The following SKAP1 variants were observed in gnomAD, a reference collection of about 807,000 sequenced individuals.
SKAP1 encodes the protein src kinase-associated phosphoprotein 1.
In SKAP1, 44 loss-of-function variants were observed where a neutral mutation model predicts 58.5. The observed-to-expected ratio is 0.75, with a 90% CI of 0.59 to 0.97. SKAP1 has a LOEUF of 0.97. Among genes scored for constraint, SKAP1 ranks in the 50% least tolerant of loss-of-function variants. The probability of loss-of-function intolerance (pLI) is 0.00; values close to 1 mark genes in which losing one functional copy is unlikely to be tolerated. For missense variants in SKAP1, 390 were observed against 435.2 expected, an observed-to-expected ratio of 0.90 and a Z score of 0.92; for synonymous variants, 127 against 149.7, an observed-to-expected ratio of 0.85 and a Z score of 1.11.
In SKAP1 at chr17:48,151,474, GAC is replaced by G. The variant is rs1157145331; in HGVS notation, c.978+10993_978+10994del. ...CCTTAATCCTCATCCACAAAAAGAAGACACAGTTCAGAGTCTGGCTCCCAACA... is the reference window on the plus strand; with the variant it reads ...CCTTAATCCTCATCCACAAAAAGAAGACAGTTCAGAGTCTGGCTCCCAACA... On this transcript the variant is annotated intron_variant, in intron 11 of 12. Coordinates refer to ENST00000336915, the MANE Select transcript of SKAP1 (RefSeq NM_003726.4). 2.0e-5 allele frequency among the ~76,000 whole-genome samples: 3 copies of G among 152,224 alleles called. No individual in the cohort carries two copies. In the East Asian group the frequency reaches 5.8e-4, roughly 29 times the overall value.
At chr17:48,206,316 G>T (rs1037489223) in intron 4 of SKAP1, among the ~76,000 whole-genome samples, 1 of 152,118 alleles carries the variant, frequency 6.6e-6, no homozygotes, top group African/African-American at 2.4e-5. Flanking sequence ...TGAGGTATGG[G>T]GGAAGGGGTG....
chr17:48,143,870 C>G (rs991761275), intron 11 of SKAP1, among the ~76,000 whole-genome samples: 4 of 152,200 alleles, frequency 2.6e-5, no homozygotes, highest in Non-Finnish European at 4.4e-5. Flanking sequence ...CTTTGTAGCA[C>G]CCCTCTTTAG....
At chr17:48,274,958 C>T (rs2065680384) in intron 4 of SKAP1, among the ~76,000 whole-genome samples, 1 of 152,166 alleles carries the variant, frequency 6.6e-6, no homozygotes, top group Non-Finnish European at 1.5e-5. Context: ...CCATCACCTC[C>T]TTCCTTCTCC....
intron 4 of SKAP1, among the ~76,000 whole-genome samples, chr17:48,292,327 G>A (rs1455363697): frequency 6.6e-6 from 1 of 151,870 alleles, no homozygotes; most frequent in Non-Finnish European, 1.5e-5. Flanking sequence ...ATTCTGATGT[G>A]CTAACATTTG....
At chr17:48,165,980 CA>C (rs1353752603) in intron 10 of SKAP1, among the ~76,000 whole-genome samples, 2 of 152,066 alleles carry the variant, frequency 1.3e-5, no homozygotes, top group Non-Finnish European at 2.9e-5. Flanking sequence ...CTCCGAAAAA[CA>C]TAACTCTGCA....
chr17:48,262,277 C>T (rs954366738), intron 4 of SKAP1, among the ~76,000 whole-genome samples: 4 of 152,100 alleles, frequency 2.6e-5, no homozygotes, highest in Non-Finnish European at 5.9e-5. Context: ...TTTTAAGAGT[C>T]TCAGTAGATA....
upstream of SKAP1, among the ~76,000 whole-genome samples, chr17:48,432,015 G>A (rs1598697691): frequency 6.6e-6 from 1 of 152,184 alleles, no homozygotes; most frequent in South Asian, 2.1e-4. Flanking sequence ...GTGGTGCATT[G>A]GTTTCAGTGT....
chr17:48,396,303 G>C (rs2067417140), intron 2 of SKAP1, among the ~76,000 whole-genome samples: 1 of 152,148 alleles, frequency 6.6e-6, no homozygotes, highest in African/African-American at 2.4e-5. Context: ...AGTAAAATCA[G>C]TACCAAAAAT....
At chr17:48,232,062 C>T (rs1030826600) in intron 4 of SKAP1, among the ~76,000 whole-genome samples, 1 of 152,250 alleles carries the variant, frequency 6.6e-6, no homozygotes, top group Non-Finnish European at 1.5e-5. Flanking sequence ...ACCCCCTTTT[C>T]TTCACCCTAC....
chr17:48,380,873 T>C (rs1397374410), intron 2 of SKAP1, among the ~76,000 whole-genome samples: 6 of 152,246 alleles, frequency 3.9e-5, no homozygotes. Context: ...ATACAGTCTT[T>C]AATTTTCAGA....
chr17:48,324,754 TA>T (rs1053396225), intron 4 of SKAP1, among the ~76,000 whole-genome samples: 5 of 152,112 alleles, frequency 3.3e-5, no homozygotes, highest in African/African-American at 9.7e-5. Context: ...ATTACATTCC[TA>T]AAAGTTGAAC....
At chr17:48,288,325 A>G (rs926747741) in intron 4 of SKAP1, among the ~76,000 whole-genome samples, 1 of 152,236 alleles carries the variant, frequency 6.6e-6, no homozygotes, top group African/African-American at 2.4e-5. Context: ...TTTTTAAGCT[A>G]TAATTCATCA....
intron 4 of SKAP1, among the ~76,000 whole-genome samples, chr17:48,239,115 C>A (rs1317285762): frequency 1.3e-5 from 2 of 152,164 alleles, no homozygotes; most frequent in Non-Finnish European, 2.9e-5. Context: ...CAAATGCACC[C>A]TTTAAAAATA....
At chr17:48,310,325 G>A (rs1004300656) in intron 4 of SKAP1, among the ~76,000 whole-genome samples, 6 of 152,198 alleles carry the variant, frequency 3.9e-5, no homozygotes, top group Non-Finnish European at 5.9e-5. Flanking sequence ...AATCACTGCT[G>A]TTAGACCCTG....
intron 3 of SKAP1, among the ~76,000 whole-genome samples, chr17:48,350,438 G>C (rs1223639144): frequency 6.6e-6 from 1 of 152,208 alleles, no homozygotes; most frequent in East Asian, 1.9e-4. Context: ...GCTCATGCCT[G>C]TAATCCCAGC....
At chr17:48,390,090 C>G (rs1258504043) in intron 2 of SKAP1, among the ~76,000 whole-genome samples, 1 of 152,234 alleles carries the variant, frequency 6.6e-6, no homozygotes, top group Non-Finnish European at 1.5e-5. Context: ...GCTCCTGACA[C>G]TTGGCCCAGT....
intron 4 of SKAP1, among the ~76,000 whole-genome samples, chr17:48,227,823 C>T (rs769004799): frequency 1.3e-5 from 2 of 152,088 alleles, no homozygotes; most frequent in African/African-American, 4.8e-5. Context: ...GAGACTTCAG[C>T]GAACTGATCA....
chr17:48,315,425 A>G (rs1223800746), intron 4 of SKAP1, among the ~76,000 whole-genome samples: 2 of 152,206 alleles, frequency 1.3e-5, no homozygotes, highest in African/African-American at 2.4e-5. Flanking sequence ...AAGAAAAAGA[A>G]TAACAGGACA....
At position 48,413,514 on chromosome 17, in the gene SKAP1, C is replaced by CAAA. The variant is rs1222640261; in HGVS notation, c.46+16558_46+16560dup. On this transcript the variant is annotated intron_variant, in intron 1 of 12. Coordinates refer to ENST00000336915, the MANE Select transcript of SKAP1 (RefSeq NM_003726.4). ...AGGCAATAAGAGCAAAACTCCGTCTCAAAAAAAAAATATATATATATATAT... is the reference window on the plus strand; with the variant it reads ...AGGCAATAAGAGCAAAACTCCGTCTCAAAAAAAAAAAAATATATATATATATAT... Among the ~76,000 whole-genome samples the CAAA allele has an allele frequency of 2.5e-3, 248 of 99,962 alleles. 17 individuals carry two copies. Among genetic ancestry groups the CAAA allele is most frequent in the African/African-American group, 0.012 (241 of 20,164 alleles). 65.6% of individuals were successfully genotyped at this position (99,962 alleles called of 152,430 possible).
Sources: allele counts gnomAD v4.1 joint callset (sites outside exome capture counted in the v4.1 genomes callset), GRCh38; gene constraint gnomAD v4.1.1; transcripts MANE v1.5; gene names NCBI Gene and HGNC (gene_info 2026-07-23, HGNC 2026-07-21).